PHC2: variants seen among roughly 807,000 people sequenced by gnomAD.
PHC2 encodes polyhomeotic-like protein 2.
PHC2 carries 29 observed loss-of-function variants against 87.4 expected under a neutral mutation model. That is an observed-to-expected ratio of 0.33 (90% CI 0.25 to 0.45). The LOEUF (loss-of-function observed/expected upper bound fraction) is 0.45. Among genes scored for constraint, PHC2 ranks in the 20% least tolerant of loss-of-function variants. PHC2 has a pLI of 1.00. For synonymous variants in PHC2, 438 were observed against 461.7 expected (o/e 0.95, Z 0.66); for missense variants, 857 against 1,136.7 (o/e 0.75, Z 3.54).
At position 33,369,015 on chromosome 1, in the gene PHC2, G is replaced by A. The variant is rs1647659486; in HGVS notation, c.577-393C>T. On this transcript the variant is annotated intron_variant, in intron 5 of 14. Transcript: ENST00000683057. This position sits in a 1 kb window ranked among gnomAD's most constrained non-coding sequence, Gnocchi z 4.7. ...CCACCTCCTTAGCGTCCTGGGAAGC[G>A]AGATGGATGCCCTAGGACCACCTTC... 6.6e-6 allele frequency among the ~76,000 whole-genome samples: 1 copy of A among 152,160 alleles called. No homozygotes were observed.
intron 2 of PHC2, among the ~76,000 whole-genome samples, chr1:33,373,130 G>C (rs1647960437): frequency 6.6e-6 from 1 of 151,898 alleles, no homozygotes. Flanking sequence ...CTTTTTTTTG[G>C]AGGGGGGATG....
At chr1:33,350,551 C>G (rs1460125310) in intron 9 of PHC2, 4 of 152,360 alleles carry the variant, frequency 2.6e-5, no homozygotes, top group Non-Finnish European at 5.9e-5. Flanking sequence ...GGTACAGAGA[C>G]GTGCAGCGTG....
chr1:33,335,978 G>GTTT (rs1202418263), intron 9 of PHC2, among the ~76,000 whole-genome samples: 2 of 112,082 alleles, frequency 1.8e-5, no homozygotes, highest in Non-Finnish European at 3.6e-5. Context: ...TCATGTTTTT[G>GTTT]TTGTTGTTGT....
chr1:33,418,165 G>T (rs566867461), intron 1 of PHC2, among the ~76,000 whole-genome samples: 1 of 152,152 alleles, frequency 6.6e-6, no homozygotes, highest in Admixed American at 6.5e-5. Flanking sequence ...CTTCTATTTT[G>T]TTAGAGAAAG....
chr1:33,327,427 T>C (rs1646395423), intron 14 of PHC2, among the ~76,000 whole-genome samples: 1 of 152,146 alleles, frequency 6.6e-6, no homozygotes, highest in South Asian at 2.1e-4. Flanking sequence ...GTGAGGGTAT[T>C]CTGCATGAGG....
At chr1:33,345,500 A>C in intron 9 of PHC2, 3 of 964,726 alleles carry the variant, frequency 3.1e-6, no homozygotes, top group Non-Finnish European at 2.5e-6. Flanking sequence ...ATTTGGAAGG[A>C]GAAGGAAACA....
chr1:33,430,691 C>A (rs1448113153), intron 1 of PHC2, among the ~76,000 whole-genome samples: 1 of 151,826 alleles, frequency 6.6e-6, no homozygotes, highest in Non-Finnish European at 1.5e-5. Context: ...CTCCTCGCTG[C>A]GCGTTCCCGG....
chr1:33,396,978 C>G lies in PHC2; in HGVS notation c.-54-21385G>C, dbSNP rs545141617. The stretch of plus-strand genomic sequence containing the variant: ...CTCGCTCTTTGGTTTAGTGTTAACA[C>G]GAGGAGTCTGGAATCAGATGGTCTG... On this transcript the variant is annotated intron_variant, in intron 1 of 14. Transcript: ENST00000683057. 2.6e-5 allele frequency among the ~76,000 whole-genome samples: 4 copies of G among 152,288 alleles called. No homozygotes were observed. The East Asian group carries it at 7.7e-4, about 29-fold the overall frequency.
intron 7 of PHC2, among the ~76,000 whole-genome samples, chr1:33,365,501 T>G (rs1180575350): frequency 6.6e-6 from 1 of 152,160 alleles, no homozygotes; most frequent in Non-Finnish European, 1.5e-5. Context: ...GCGGATTGAA[T>G]GAGAAACTAG....
intron 1 of PHC2, among the ~76,000 whole-genome samples, chr1:33,375,815 T>C (rs1648148343): frequency 6.6e-6 from 1 of 152,188 alleles, no homozygotes; most frequent in South Asian, 2.1e-4. Context: ...AGCATTTACA[T>C]TGTATGAGGT....
intron 1 of PHC2, among the ~76,000 whole-genome samples, chr1:33,391,822 TGAG>T (rs1026234989): frequency 1.3e-5 from 2 of 151,974 alleles, no homozygotes; most frequent in African/African-American, 4.8e-5. Flanking sequence ...ACCAGACACA[TGAG>T]GAGTCGTTAA....
intron 7 of PHC2, among the ~76,000 whole-genome samples, chr1:33,361,743 C>T (rs144815022): frequency 1.2e-4 from 19 of 152,328 alleles, no homozygotes; most frequent in African/African-American, 3.6e-4. Context: ...AGCCTCATCC[C>T]GTCAGCAGGC....
chr1:33,330,115 T>C lies in PHC2; in HGVS notation c.2104A>G (p.Ser702Gly). 6.2e-7 allele frequency: 1 copy of C among 1,614,218 alleles called. No individual in the cohort carries two copies. ...GAATHNRRRA[S>G]KASLPPLTKD... is the part of the protein sequence containing the mutation. ...GTAAGTGGTGGCAGACTGGCTTTGC[T>C]GGCCCGACGGCGGTTGTGGGTCGCA... is the stretch of plus-strand genomic sequence containing the variant. Residue 702 changes from serine (S) to glycine (G), a missense_variant, in exon 13 of 15, where the codon AGC becomes GGC. By Grantham distance (56) the Ser-to-Gly change is moderately conservative. Transcript: ENST00000683057.
Position 33,331,630 on chromosome 1 carries a change from G to T in PHC2, c.1892-168C>A. Reference sequence around the variant, plus strand: ...AAAATGCCAGTGGTTCTCACCCCTGGAATGCACTCAAGGGTGTCTGGGGAT... The same window carrying T: ...AAAATGCCAGTGGTTCTCACCCCTGTAATGCACTCAAGGGTGTCTGGGGAT... On this transcript the variant is annotated intron_variant, in intron 11 of 14. Transcript: ENST00000683057. The surrounding 1 kb of genome is among the most constrained non-coding windows in gnomAD (Gnocchi z 5.2). The T allele has an allele frequency of 1.8e-6, 1 of 554,388 alleles. No homozygotes were observed. The highest frequency in any genetic ancestry group is 1.9e-5 in the African/African-American group (1 of 52,898). The allele number at this position is 554,388 out of a possible 1,614,324, so 34.3% of individuals were successfully genotyped here. A position where few individuals can be genotyped will look rare whatever the true frequency, so the allele number is the denominator to read the frequency against.
At chr1:33,386,205 C>T (rs67559165) in intron 1 of PHC2, among the ~76,000 whole-genome samples, 31,042 of 151,414 alleles carry the variant, frequency 0.21, 3,236 homozygotes, top group South Asian at 0.25. Context: ...ACCAAGGTCA[C>T]GAAAAAGACT....
intron 1 of PHC2, among the ~76,000 whole-genome samples, chr1:33,406,425 C>CG (rs1048750377): frequency 3.3e-5 from 5 of 152,012 alleles, no homozygotes; most frequent in Non-Finnish European, 7.4e-5. Context: ...GTGTGTGTGG[C>CG]GGGGGGTGCA....
At position 33,332,257 on chromosome 1, in the gene PHC2, A is replaced by C. The variant is rs774261749; in HGVS notation, c.1891+18T>G. Reference sequence around the variant, plus strand: ...GCCACGCTGGGAGGCCGAGAGATTCAGGGTCTGAGATGCCCACCTTGCAGA... The same window carrying C: ...GCCACGCTGGGAGGCCGAGAGATTCCGGGTCTGAGATGCCCACCTTGCAGA... On this transcript the variant is annotated intron_variant, in intron 11 of 14. Coordinates refer to ENST00000683057, the MANE Select transcript of PHC2 (RefSeq NM_001385109.1). The surrounding 1 kb of genome is among the most constrained non-coding windows in gnomAD (Gnocchi z 4.2). The C allele has an allele frequency of 1.9e-6, 3 of 1,613,762 alleles. No individual in the cohort carries two copies. The highest frequency in any genetic ancestry group is 3.3e-5 in the Admixed American group (2 of 59,996).
At position 33,368,895 on chromosome 1, in the gene PHC2, G is replaced by A. The variant is rs572404880; in HGVS notation, c.577-273C>T. 2.5e-4 allele frequency among the ~76,000 whole-genome samples: 38 copies of A among 152,208 alleles called. No homozygotes were observed. In the South Asian group the frequency reaches 3.3e-3, roughly 13 times the overall value. On this transcript the variant is annotated intron_variant, in intron 5 of 14. Coordinates refer to ENST00000683057, the MANE Select transcript of PHC2 (RefSeq NM_001385109.1). This position sits in a 1 kb window ranked among gnomAD's most constrained non-coding sequence, Gnocchi z 6.6. ...GGTGCAGGGGTGGGTGGGGAGAGCC[G>A]CTCTGGGGCTACACCAAAGCCGAGT...
intron 7 of PHC2, chr1:33,363,743 C>T (rs1344908823): frequency 6.1e-6 from 6 of 985,134 alleles, no homozygotes; most frequent in Non-Finnish European, 7.2e-6. Flanking sequence ...ACCTTTGGGC[C>T]TGAGTGTGCA....
Sources: gnomAD v4.1 joint callset for allele counts (sites outside exome capture counted in the v4.1 genomes callset) on GRCh38, gnomAD v4.1.1 for gene constraint, Gnocchi (gnomAD v3.1) non-coding constraint, MANE v1.5 for transcripts, NCBI Gene and HGNC (gene_info 2026-07-23, HGNC 2026-07-21) for gene names.